The following TRPS1 variants were observed in gnomAD, a reference collection of about 807,000 sequenced individuals.
TRPS1 encodes the protein transcriptional repressor GATA binding 1.
TRPS1 carries 6 observed loss-of-function variants against 101.2 expected under a neutral mutation model. The observed-to-expected ratio is 0.06, with a 90% CI of 0.03 to 0.12. The LOEUF (loss-of-function observed/expected upper bound fraction) is 0.12, where lower values mean the gene tolerates loss of function less well. Among genes scored for constraint, TRPS1 ranks in the 10% least tolerant of loss-of-function variants. The pLI is 1.00. For synonymous variants in TRPS1, 578 were observed against 589.8 expected, an observed-to-expected ratio of 0.98 and a Z score of 0.29; for missense variants, 1,363 against 1,567.0, an observed-to-expected ratio of 0.87 and a Z score of 2.20.
chr8:115,622,852 G>A (rs2142328), intron 2 of TRPS1, among the ~76,000 whole-genome samples: 11,741 of 152,080 alleles, frequency 0.077, 1,466 homozygotes, highest in African/African-American at 0.26. Context: ...ATATGTTAAC[G>A]CCAGGGTGAG....
In TRPS1 at chr8:115,409,223, C is replaced by G. The variant is rs865823402; in HGVS notation, c.*4800G>C. ...TTTTACAGCTGAGGAACCTGAGGCA[C>G]AAAAAGAAAAAGTGATATGCTGCAG... On this transcript the variant is annotated 3_prime_UTR_variant, in exon 7 of 7. Coordinates refer to ENST00000395715, the MANE Select transcript of TRPS1 (RefSeq NM_014112.5). 3.3e-4 allele frequency: 17 copies of G among 51,850 alleles called. No individual in the cohort carries two copies. The highest frequency in any genetic ancestry group is 1.3e-3 in the African/African-American group (16 of 12,438). 3.2% of individuals were successfully genotyped at this position (51,850 alleles called of 1,614,324 possible).
chr8:115,421,824 A>G (rs980836090), intron 5 of TRPS1, among the ~76,000 whole-genome samples: 6 of 152,168 alleles, frequency 3.9e-5, no homozygotes, highest in African/African-American at 1.4e-4. Context: ...CACTGTGTAC[A>G]ATGTAACCTG....
intron 5 of TRPS1, among the ~76,000 whole-genome samples, chr8:115,446,236 C>T (rs1379743582): frequency 6.6e-6 from 1 of 151,428 alleles, no homozygotes; most frequent in Non-Finnish European, 1.5e-5. Context: ...CTTTTTGAAA[C>T]ATCATCTACA....
At chr8:115,524,128 G>T (rs1295918595) in intron 5 of TRPS1, among the ~76,000 whole-genome samples, 1 of 151,900 alleles carries the variant, frequency 6.6e-6, no homozygotes, top group Admixed American at 6.6e-5. Context: ...AGATAAGTGG[G>T]TGAGAATGTG....
At chr8:115,667,951 C>T in intron 1 of TRPS1, 1 of 1,528,300 alleles carries the variant, frequency 6.5e-7, no homozygotes, top group Non-Finnish European at 8.8e-7. Flanking sequence ...GCGGCGGCGG[C>T]GGCCCCTCGG....
intron 5 of TRPS1, among the ~76,000 whole-genome samples, chr8:115,537,870 T>A (rs1187155026): frequency 6.6e-6 from 1 of 152,224 alleles, no homozygotes; most frequent in Non-Finnish European, 1.5e-5. Flanking sequence ...AGTCACATTG[T>A]ACAGAGCTAA....
intron 5 of TRPS1, among the ~76,000 whole-genome samples, chr8:115,488,317 GTTTTC>G (rs1240025334): frequency 6.6e-6 from 1 of 152,130 alleles, no homozygotes; most frequent in East Asian, 1.9e-4. Flanking sequence ...CATGGGATTT[GTTTTC>G]TTTTGATACT....
rs1434125923 is a variant in TRPS1 at position 115,488,942 on chromosome 8, C to T, written c.2701-70490G>A. 2.6e-5 allele frequency among the ~76,000 whole-genome samples: 4 copies of T among 152,096 alleles called. No individual in the cohort carries two copies. The East Asian group carries it at 7.7e-4, about 29-fold the overall frequency. ...AAACGTTCTCATAAAAAGTATGTAACATTTTAGCAGGCTGCAGTTACTTCT... is the reference window on the plus strand; with the variant it reads ...AAACGTTCTCATAAAAAGTATGTAATATTTTAGCAGGCTGCAGTTACTTCT... On this transcript the variant is annotated intron_variant, in intron 5 of 6. Coordinates refer to ENST00000395715, the MANE Select transcript of TRPS1 (RefSeq NM_014112.5).
intron 5 of TRPS1, among the ~76,000 whole-genome samples, chr8:115,485,635 C>T (rs1049261764): frequency 3.3e-5 from 5 of 151,970 alleles, no homozygotes; most frequent in Admixed American, 6.5e-5. Context: ...ATAGTCACTC[C>T]GTGAGGGAAT....
intron 5 of TRPS1, among the ~76,000 whole-genome samples, chr8:115,481,781 TA>T (rs1252298318): frequency 6.6e-6 from 1 of 152,200 alleles, no homozygotes; most frequent in Non-Finnish European, 1.5e-5. Context: ...TGAGTTTTTC[TA>T]AAATATCTTG....
At chr8:115,608,090 T>A (rs1818080476) in intron 3 of TRPS1, among the ~76,000 whole-genome samples, 1 of 152,148 alleles carries the variant, frequency 6.6e-6, no homozygotes, top group African/African-American at 2.4e-5. Flanking sequence ...CATAGAATAT[T>A]GCAAACTTTT....
chr8:115,466,444 T>G (rs532578640), intron 5 of TRPS1, among the ~76,000 whole-genome samples: 1 of 152,174 alleles, frequency 6.6e-6, no homozygotes, highest in Admixed American at 6.6e-5. Flanking sequence ...AGAGCTTGAT[T>G]GTATTTCTGA....
intron 3 of TRPS1, among the ~76,000 whole-genome samples, chr8:115,615,057 AATG>A (rs888977341): frequency 1.3e-5 from 2 of 152,194 alleles, no homozygotes; most frequent in Non-Finnish European, 2.9e-5. Flanking sequence ...ACAACACAGA[AATG>A]TAACACTCCT....
intron 4 of TRPS1, among the ~76,000 whole-genome samples, chr8:115,592,004 C>A (rs1340736113): frequency 6.6e-6 from 1 of 152,154 alleles, no homozygotes; most frequent in African/African-American, 2.4e-5. Flanking sequence ...TTTCTACTTT[C>A]CACTTCCTAC....
chr8:115,567,532 T>C (rs148135363), intron 5 of TRPS1, among the ~76,000 whole-genome samples: 56 of 152,214 alleles, frequency 3.7e-4, no homozygotes, highest in African/African-American at 1.3e-3. Flanking sequence ...CAAATCTTCC[T>C]AAATATTCAG....
Position 115,604,424 on chromosome 8 carries a change from C to T in TRPS1, c.1545G>A (p.Ser515=), listed in dbSNP as rs576033105. The T allele has an allele frequency of 9.9e-6, 16 of 1,614,048 alleles. No individual in the cohort carries two copies. Among genetic ancestry groups the T allele is most frequent in the Middle Eastern group, 1.6e-4 (1 of 6,062 alleles). The part of the protein sequence containing the change: ...GETMTKTDKS[S]SGAKKKDFSS... Reference sequence around the variant, plus strand: ...AGAAGTCCTTCTTTTTAGCCCCACTCGAGCTCTTGTCTGTCTTGGTCATTG... The same window carrying T: ...AGAAGTCCTTCTTTTTAGCCCCACTTGAGCTCTTGTCTGTCTTGGTCATTG... Residue 515 remains serine (S), a synonymous_variant, in exon 4 of 7, where the codon TCG becomes TCA. Transcript: ENST00000395715. This position sits in a 1 kb window ranked among gnomAD's most constrained non-coding sequence, Gnocchi z 4.1.
At chr8:115,606,932 C>T (rs1252789535) in intron 3 of TRPS1, among the ~76,000 whole-genome samples, 1 of 151,808 alleles carries the variant, frequency 6.6e-6, no homozygotes, top group East Asian at 1.9e-4. Flanking sequence ...TTCTTTAACA[C>T]AGGCAAAGAA....
chr8:115,524,319 C>CTTTTTTTTTTTTTTTTTTTTTTTT (rs139406462), intron 5 of TRPS1, among the ~76,000 whole-genome samples: 1 of 70,726 alleles, frequency 1.4e-5, no homozygotes, highest in Non-Finnish European at 2.4e-5. Flanking sequence ...CTTCTTCTTC[C>CTTTTTTTTTTTTTTTTTTTTTTTT]TTTTTTTTTT....
chr8:115,439,728 G>T (rs1813543633), intron 5 of TRPS1, among the ~76,000 whole-genome samples: 1 of 152,130 alleles, frequency 6.6e-6, no homozygotes, highest in African/African-American at 2.4e-5. Context: ...ATCCAGAAAT[G>T]CAGTGTTATG....
Sources: gnomAD v4.1 joint callset for allele counts (sites outside exome capture counted in the v4.1 genomes callset) on GRCh38, gnomAD v4.1.1 for gene constraint, Gnocchi (gnomAD v3.1) non-coding constraint, MANE v1.5 for transcripts, NCBI Gene and HGNC (gene_info 2026-07-23, HGNC 2026-07-21) for gene names.